The following ALS2 variants were observed in gnomAD, a reference collection of about 807,000 sequenced individuals.
The protein encoded by ALS2 is alsin Rho guanine nucleotide exchange factor ALS2.
In ALS2, 117 loss-of-function variants were observed where a neutral mutation model predicts 203.4. That is an observed-to-expected ratio of 0.58 (90% CI 0.50 to 0.67). The LOEUF is 0.67. Among genes scored for constraint, ALS2 ranks in the 30% least tolerant of loss-of-function variants. The probability of loss-of-function intolerance (pLI) is 0.00; values close to 1 mark genes in which losing one functional copy is unlikely to be tolerated. For synonymous variants in ALS2, 718 were observed against 725.9 expected (o/e 0.99, Z 0.17); for missense variants, 1,715 against 1,989.4 (o/e 0.86, Z 2.62).
rs373055404 is a variant in ALS2 at position 201,780,909 on chromosome 2, T to A, written c.-93A>T. 6.6e-6 allele frequency: 1 copy of A among 152,640 alleles called. No individual in the cohort carries two copies. Among genetic ancestry groups the A allele is most frequent in the South Asian group, 2.1e-4 (1 of 4,830 alleles). 9.5% of individuals were successfully genotyped at this position (152,640 alleles called of 1,614,324 possible). Reference sequence around the variant, plus strand: ...TCCACCGGCAGCACCGCGCTCCGCATCCGGCGCGAGCTTGGCAACCCAGTG... The same window carrying A: ...TCCACCGGCAGCACCGCGCTCCGCAACCGGCGCGAGCTTGGCAACCCAGTG... On this transcript the variant is annotated 5_prime_UTR_variant, in exon 1 of 34. The change abolishes an upstream ATG in the 5' untranslated region. Transcript: ENST00000264276.
Position 201,741,706 on chromosome 2 carries a change from CT to C in ALS2, c.2318del (p.Lys773SerfsTer37). 1 of 1,614,132 alleles carries C rather than the reference CT, an allele frequency of 6.2e-7. No individual in the cohort carries two copies. The highest frequency in any genetic ancestry group is 8.5e-7 in the Non-Finnish European group (1 of 1,180,028). On this transcript the variant is annotated frameshift_variant, in exon 11 of 34. Coordinates refer to ENST00000264276, the MANE Select transcript of ALS2 (RefSeq NM_020919.4). LOFTEE classifies it high-confidence loss of function. ...VKEARSLVIL[K>X]HSSLFLDSYT... ...AACTATCCAAGAAGAGACTTGAATG[CT>C]TCAGGATGACCAAACTCCTGGCTTC...
intron 24 of ALS2, chr2:201,716,773 A>G (rs987973891): frequency 5.3e-5 from 8 of 151,904 alleles, no homozygotes; most frequent in African/African-American, 1.4e-4. Context: ...GATTCCTGTT[A>G]GAACAAGGAC....
At chr2:201,722,022 G>A (rs997649990) in intron 23 of ALS2, 1 of 152,086 alleles carries the variant, frequency 6.6e-6, no homozygotes, top group Non-Finnish European at 1.5e-5. Flanking sequence ...TTATTAAAAT[G>A]AAAAACTTTT....
chr2:201,710,087 G>A (rs777083674), intron 26 of ALS2, 49 bp from the exon 27 acceptor site: 15 of 1,599,790 alleles, frequency 9.4e-6, no homozygotes, highest in Admixed American at 8.3e-5. Context: ...ATTAACAGCA[G>A]AAACAATCCA....
intron 31 of ALS2, 62 bp downstream of exon 31, chr2:201,705,077 A>T (rs546493164): frequency 2.4e-5 from 35 of 1,478,512 alleles, no homozygotes; most frequent in Non-Finnish European, 3.3e-5. Context: ...TCATATTAAT[A>T]ATATCTTAAT....
intron 12 of ALS2, 116 bp from the exon 13 acceptor site, chr2:201,733,554 G>C (rs1432629968): frequency 2.3e-6 from 2 of 883,602 alleles, no homozygotes; most frequent in African/African-American, 3.4e-5. Flanking sequence ...TTTAGGTGCT[G>C]TGAAAGTAGA....
At chr2:201,759,992 T>C in intron 4 of ALS2, 1 of 983,944 alleles carries the variant, frequency 1.0e-6, no homozygotes, top group Non-Finnish European at 1.2e-6. Context: ...TTGTTCATTC[T>C]ACCACAAATC....
intron 1 of ALS2, among the ~76,000 whole-genome samples, chr2:201,775,842 T>C (rs1329843619): frequency 3.9e-5 from 6 of 152,228 alleles, no homozygotes; most frequent in Admixed American, 2.6e-4. Context: ...TTAGTTATAA[T>C]GTTGTTACTA....
intron 1 of ALS2, among the ~76,000 whole-genome samples, chr2:201,771,069 G>A (rs1353372143): frequency 2.4e-5 from 3 of 127,538 alleles, no homozygotes; most frequent in East Asian, 2.2e-4. Context: ...TTTTTGAGAC[G>A]GAGTTTTGCT....
At chr2:201,756,516 T>C (rs938168781) in intron 5 of ALS2, among the ~76,000 whole-genome samples, 6 of 69,014 alleles carry the variant, frequency 8.7e-5, no homozygotes, top group African/African-American at 3.6e-4. Flanking sequence ...AAACCAGGAG[T>C]TGGTCAATTA....
At chr2:201,775,423 A>G (rs551483270) in intron 1 of ALS2, among the ~76,000 whole-genome samples, 1 of 152,378 alleles carries the variant, frequency 6.6e-6, no homozygotes, top group Admixed American at 6.5e-5. Context: ...GCAGTAAACA[A>G]TAACAGAGTC....
intron 7 of ALS2, among the ~76,000 whole-genome samples, chr2:201,752,669 GT>G (rs1693137328): frequency 6.6e-6 from 1 of 151,940 alleles, no homozygotes; most frequent in African/African-American, 2.4e-5. Flanking sequence ...AGCAGTCTGG[GT>G]TTAAAAAAAA....
chr2:201,735,941 T>C (rs1691850344), intron 12 of ALS2, among the ~76,000 whole-genome samples: 1 of 152,246 alleles, frequency 6.6e-6, no homozygotes, highest in African/African-American at 2.4e-5. Flanking sequence ...TATTGAATTT[T>C]CTTTCTGCTC....
Position 201,766,394 on chromosome 2 carries a change from C to A in ALS2, c.175+835G>T, listed in dbSNP as rs375640832. On this transcript the variant is annotated intron_variant, in intron 3 of 33. Transcript: ENST00000264276. ...GGCGTGGTGGCTCATCCCTGTAATC[C>A]CAGAACTTTGGGAGGTCGAGGCGGG... Among the ~76,000 whole-genome samples, 242 of 152,042 alleles carry A rather than the reference C, an allele frequency of 1.6e-3. 2 individuals carry two copies. The highest frequency in any genetic ancestry group is 5.7e-3 in the African/African-American group (237 of 41,486).
chr2:201,715,207 A>G (rs1419884478), intron 25 of ALS2, among the ~76,000 whole-genome samples: 2 of 152,218 alleles, frequency 1.3e-5, no homozygotes, highest in Admixed American at 1.3e-4. Context: ...GAGAAAAAAG[A>G]CAGAAAGAAA....
intron 15 of ALS2, among the ~76,000 whole-genome samples, chr2:201,728,076 G>A (rs1387385008): frequency 6.6e-6 from 1 of 152,136 alleles, no homozygotes; most frequent in Non-Finnish European, 1.5e-5. Context: ...CCATGCTGTA[G>A]CTAAAATAGC....
intron 1 of ALS2, among the ~76,000 whole-genome samples, chr2:201,774,031 G>A (rs1694543449): frequency 6.6e-6 from 1 of 152,216 alleles, no homozygotes; most frequent in African/African-American, 2.4e-5. Flanking sequence ...TAAACAGGAG[G>A]TGACAATGTG....
At position 201,725,439 on chromosome 2, in the gene ALS2, T is replaced by C. The variant is rs776753832; in HGVS notation, c.3264A>G (p.Arg1088=). ...NGLEDGYGEY[R]IPNKAMNKED... ...CTTTGTTCATTGCCTTGTTTGGGAT[T>C]CTGTATTCTCCATACCTGCCATGAA... The change falls in exon 20 of 34, where the codon AGA becomes AGG. Residue 1088 remains arginine (R), a synonymous_variant. Coordinates refer to ENST00000264276, the MANE Select transcript of ALS2 (RefSeq NM_020919.4). 1 of 1,613,960 alleles carries C rather than the reference T, an allele frequency of 6.2e-7. No individual in the cohort carries two copies. Among genetic ancestry groups the C allele is most frequent in the Non-Finnish European group, 8.5e-7 (1 of 1,179,890 alleles).
chr2:201,776,088 G>T (rs536342982), intron 1 of ALS2, among the ~76,000 whole-genome samples: 1 of 151,980 alleles, frequency 6.6e-6, no homozygotes, highest in South Asian at 2.1e-4. Flanking sequence ...AGATACAAAA[G>T]AAAAAAGTGT....
Sources: gnomAD v4.1 joint callset for allele counts (sites outside exome capture counted in the v4.1 genomes callset) on GRCh38, gnomAD v4.1.1 for gene constraint, MANE v1.5 for transcripts, NCBI Gene and HGNC (gene_info 2026-07-23, HGNC 2026-07-21) for gene names.